The following NRG1 variants were observed in gnomAD, a reference collection of about 807,000 sequenced individuals.
NRG1 encodes the protein pro-neuregulin-1, membrane-bound isoform.
In NRG1, 18 loss-of-function variants were observed where a neutral mutation model predicts 63.8. That is an observed-to-expected ratio of 0.28 (90% CI 0.19 to 0.42). The LOEUF is 0.42. Ranked by LOEUF, NRG1 falls within the 10% of genes least tolerant of loss-of-function variation. The probability of loss-of-function intolerance (pLI) is 1.00; values close to 1 mark genes in which losing one functional copy is unlikely to be tolerated. For synonymous variants in NRG1, 302 were observed against 301.3 expected (o/e 1.00, Z -0.02); for missense variants, 762 against 814.7 (o/e 0.94, Z 0.79).
intron 1 of NRG1, among the ~76,000 whole-genome samples, chr8:31,948,875 G>C (rs532435651): frequency 3.9e-5 from 6 of 152,178 alleles, no homozygotes; most frequent in Non-Finnish European, 8.8e-5. Context: ...CAAGAGTCTT[G>C]AGAGGACTTG....
intron 1 of NRG1, among the ~76,000 whole-genome samples, chr8:32,380,613 T>A (rs1298741326): frequency 6.6e-6 from 1 of 152,136 alleles, no homozygotes; most frequent in Non-Finnish European, 1.5e-5. Context: ...TGCTTCTACA[T>A]CTCAGTAAAC....
intron 1 of NRG1, among the ~76,000 whole-genome samples, chr8:31,796,414 CTTTTTTTTTTTTTTTTTTTTTTTT>C (rs1158508289): frequency 1.6e-4 from 7 of 43,340 alleles, no homozygotes; most frequent in African/African-American, 6.3e-4. Context: ...GGCGTATAAT[CTTTTTTTTTTTTTTTTTTTTTTTT>C]TTTTTTTTTT....
At chr8:31,955,610 A>G (rs557569956) in intron 1 of NRG1, among the ~76,000 whole-genome samples, 1 of 152,298 alleles carries the variant, frequency 6.6e-6, no homozygotes, top group South Asian at 2.1e-4. Flanking sequence ...GCTTTTTGGA[A>G]TCTCAGAAAG....
chr8:32,137,544 T>C (rs1473020987), intron 1 of NRG1, among the ~76,000 whole-genome samples: 1 of 152,216 alleles, frequency 6.6e-6, no homozygotes, highest in African/African-American at 2.4e-5. Flanking sequence ...TCTCTGTGTG[T>C]GCACAATTGC....
chr8:32,454,834 C>A (rs1027341473), intron 1 of NRG1, among the ~76,000 whole-genome samples: 1 of 152,134 alleles, frequency 6.6e-6, no homozygotes, highest in Non-Finnish European at 1.5e-5. Context: ...ACTGACTCAC[C>A]CAGAGCAATG....
chr8:32,372,314 A>G (rs1353112406), intron 1 of NRG1, among the ~76,000 whole-genome samples: 2 of 151,040 alleles, frequency 1.3e-5, no homozygotes, highest in African/African-American at 2.4e-5. Flanking sequence ...TTTTTTTTTT[A>G]TGATTCTGAC....
intron 1 of NRG1, among the ~76,000 whole-genome samples, chr8:32,220,205 C>T (rs1845666330): frequency 6.6e-6 from 1 of 152,068 alleles, no homozygotes; most frequent in African/African-American, 2.4e-5. Flanking sequence ...CAATGACTTA[C>T]CAGGAGACAA....
chr8:32,256,948 C>G (rs1849792283), intron 1 of NRG1, among the ~76,000 whole-genome samples: 1 of 152,202 alleles, frequency 6.6e-6, no homozygotes, highest in Non-Finnish European at 1.5e-5. Context: ...AAACCCCTGC[C>G]TGGAGCTGCT....
At chr8:32,746,800 T>G (rs1827515562) in intron 7 of NRG1, among the ~76,000 whole-genome samples, 1 of 151,690 alleles carries the variant, frequency 6.6e-6, no homozygotes, top group Non-Finnish European at 1.5e-5. Flanking sequence ...CAGGCCAACA[T>G]TAGATTAAGT....
chr8:31,803,441 C>T (rs1250485530), intron 1 of NRG1, among the ~76,000 whole-genome samples: 2 of 152,158 alleles, frequency 1.3e-5, no homozygotes, highest in African/African-American at 4.8e-5. Flanking sequence ...CAAGTTTATC[C>T]TAATTCAAGT....
At chr8:32,391,354 T>C (rs1811748322) in intron 1 of NRG1, among the ~76,000 whole-genome samples, 1 of 152,034 alleles carries the variant, frequency 6.6e-6, no homozygotes, top group Non-Finnish European at 1.5e-5. Context: ...GTCTGGAATA[T>C]ATATATTTTT....
At chr8:32,010,513 T>C (rs372428167) in intron 1 of NRG1, among the ~76,000 whole-genome samples, 14 of 152,178 alleles carry the variant, frequency 9.2e-5, no homozygotes, top group African/African-American at 2.9e-4. Flanking sequence ...GTGGAACACA[T>C]ACTTGGTACA....
rs560187625 is a variant in NRG1, at chr8:32,033,710, A to G, written c.37+394279A>G. Among the ~76,000 whole-genome samples, 5 of 152,178 alleles carry G rather than the reference A, an allele frequency of 3.3e-5. No homozygotes were observed. In the East Asian group the frequency reaches 5.8e-4, roughly 18 times the overall value. The stretch of plus-strand genomic sequence containing the variant: ...TAGATATTTTATTATCTTTATAGCA[A>G]TTGTGAATAGGAGTTCATATTCATT... On this transcript the variant is annotated intron_variant, in intron 1 of 10. Transcript: ENST00000519301.
At chr8:32,002,180 C>T (rs540944460) in intron 1 of NRG1, among the ~76,000 whole-genome samples, 21 of 151,970 alleles carry the variant, frequency 1.4e-4, no homozygotes, top group Admixed American at 3.3e-4. Context: ...CATGCCACCA[C>T]GCCCAGCAAA....
At chr8:32,587,369 G>C (rs774804316) in intron 1 of NRG1, among the ~76,000 whole-genome samples, 1 of 152,196 alleles carries the variant, frequency 6.6e-6, no homozygotes, top group Non-Finnish European at 1.5e-5. Context: ...TCCAGTTTGA[G>C]AGTCCTCCAA....
chr8:32,112,840 G>A (rs1832209865), intron 1 of NRG1, among the ~76,000 whole-genome samples: 2 of 152,088 alleles, frequency 1.3e-5, no homozygotes, highest in East Asian at 1.9e-4. Flanking sequence ...GACACACCAG[G>A]CTGGTTTCAA....
At chr8:32,419,774 C>T (rs1816445843) in intron 1 of NRG1, among the ~76,000 whole-genome samples, 1 of 152,082 alleles carries the variant, frequency 6.6e-6, no homozygotes, top group Non-Finnish European at 1.5e-5. Flanking sequence ...ATAACTAGTA[C>T]AACATAACGC....
chr8:32,452,268 AAGT>A (rs1563483515), intron 1 of NRG1, among the ~76,000 whole-genome samples: 1 of 152,204 alleles, frequency 6.6e-6, no homozygotes, highest in African/African-American at 2.4e-5. Context: ...TGGTAATAAA[AAGT>A]GGGCTTTGCT....
chr8:32,413,926 GTTTT>G (rs763196558), intron 1 of NRG1, among the ~76,000 whole-genome samples: 1 of 143,452 alleles, frequency 7.0e-6, no homozygotes, highest in African/African-American at 2.6e-5. Context: ...TTTCTTCTAG[GTTTT>G]TTTTTTTTTT....
Sources: gnomAD v4.1 joint callset for allele counts (sites outside exome capture counted in the v4.1 genomes callset) on GRCh38, gnomAD v4.1.1 for gene constraint, MANE v1.5 for transcripts, NCBI Gene and HGNC (gene_info 2026-07-23, HGNC 2026-07-21) for gene names.